Variants in TNFRSF11A observed in about 807,000 individuals in gnomAD.
TNFRSF11A encodes the protein tumor necrosis factor receptor superfamily member 11A.
Under a neutral mutation model 55.7 loss-of-function variants are expected in TNFRSF11A, and 32 were observed. The observed-to-expected ratio is 0.57, with a 90% confidence interval of 0.43 to 0.77. The LOEUF is 0.77. Among genes scored for constraint, TNFRSF11A ranks in the 30% least tolerant of loss-of-function variants. TNFRSF11A has a pLI of 0.00. For missense variants in TNFRSF11A, 753 were observed against 809.8 expected (o/e 0.93, Z 0.85); for synonymous variants, 311 against 331.0 (o/e 0.94, Z 0.65).
At chr18:62,351,119 C>A (rs990052587) in intron 3 of TNFRSF11A, among the ~76,000 whole-genome samples, 1 of 151,440 alleles carries the variant, frequency 6.6e-6, no homozygotes, top group South Asian at 2.1e-4. Flanking sequence ...TCTGCTGCCT[C>A]AGCCTCCCCA....
At position 62,337,017 on chromosome 18, in the gene TNFRSF11A, CA is replaced by C. The variant is rs538484359; in HGVS notation, c.76-11150del. Among the ~76,000 whole-genome samples the C allele has an allele frequency of 3.3e-3, 499 of 152,136 alleles. 2 individuals carry two copies. Among genetic ancestry groups the C allele is most frequent in the African/African-American group, 0.011 (463 of 41,486 alleles). On this transcript the variant is annotated intron_variant, in intron 1 of 9. Coordinates refer to ENST00000586569, the MANE Select transcript of TNFRSF11A (RefSeq NM_003839.4). ...GAAGCACATCTGGAATCAAGGTGGT[CA>C]GAGGGGGAAATGCTGATGGGCCCAA...
At chr18:62,340,269 A>G (rs2046293070) in intron 1 of TNFRSF11A, among the ~76,000 whole-genome samples, 1 of 151,886 alleles carries the variant, frequency 6.6e-6, no homozygotes. Context: ...CCCAGGCTGG[A>G]GTGCAGTGGT....
At chr18:62,343,262 T>C (rs1201078228) in intron 1 of TNFRSF11A, among the ~76,000 whole-genome samples, 2 of 152,230 alleles carry the variant, frequency 1.3e-5, no homozygotes, top group Non-Finnish European at 2.9e-5. Flanking sequence ...CCTCATTTGT[T>C]CTTCTAGGTT....
intron 8 of TNFRSF11A, 84 bp downstream of exon 8, chr18:62,366,844 C>CG (rs1223518341): frequency 5.4e-6 from 7 of 1,307,254 alleles, no homozygotes; most frequent in Non-Finnish European, 7.7e-6. Context: ...TATTGAGCAC[C>CG]CCCCCCCACC....
rs370984926 is a variant in TNFRSF11A, at chr18:62,368,813, T to C, written c.896T>C (p.Met299Thr). 117 of 1,614,236 alleles carry C rather than the reference T, an allele frequency of 7.2e-5. No homozygotes were observed. The highest frequency in any genetic ancestry group is 9.7e-5 in the Non-Finnish European group (114 of 1,180,048). ...TLEEKTFPED[M>T]CYPDQGGVCQ... ...GAGGAGAAGACATTTCCAGAAGATA[T>C]GTGCTACCCAGATCAAGGTGGTGTC... The change falls in exon 9 of 10, where the codon ATG becomes ACG. Residue 299 changes from methionine (M) to threonine (T), a missense_variant. Physicochemically the swap from Met to Thr is moderately conservative, Grantham distance 81. Coordinates refer to ENST00000586569, the MANE Select transcript of TNFRSF11A (RefSeq NM_003839.4).
Position 62,369,351 on chromosome 18 carries a change from T to C in TNFRSF11A, c.1434T>C (p.Leu478=). 2 of 1,609,704 alleles carry C rather than the reference T, an allele frequency of 1.2e-6. No homozygotes were observed. The highest frequency in any genetic ancestry group is 1.7e-6 in the Non-Finnish European group (2 of 1,178,442). Reference sequence around the variant, plus strand: ...CCCAGTGCGCCTATGGCATGGGCCTTCCCCCTGAAGAAGAAGCCAGCAGGA... The same window carrying C: ...CCCAGTGCGCCTATGGCATGGGCCTCCCCCCTGAAGAAGAAGCCAGCAGGA... ...PLPQCAYGMG[L]PPEEEASRTE... The change falls in exon 9 of 10, where the codon CTT becomes CTC. Residue 478 remains leucine, a synonymous_variant. Coordinates refer to ENST00000586569, the MANE Select transcript of TNFRSF11A (RefSeq NM_003839.4).
At chr18:62,362,629 A>G (rs1909781161) in intron 7 of TNFRSF11A, among the ~76,000 whole-genome samples, 1 of 152,034 alleles carries the variant, frequency 6.6e-6, no homozygotes, top group Admixed American at 6.6e-5. Flanking sequence ...CAAATTTGTT[A>G]GTGTCTTTAA....
intron 9 of TNFRSF11A, among the ~76,000 whole-genome samples, chr18:62,372,188 CA>C (rs898552872): frequency 4.6e-5 from 7 of 152,104 alleles, no homozygotes; most frequent in Non-Finnish European, 7.4e-5. Context: ...GAATGATTAG[CA>C]AAGATCAGTG....
chr18:62,350,041 A>G (rs2046443188), intron 3 of TNFRSF11A, 104 bp downstream of exon 3: 3 of 1,513,988 alleles, frequency 2.0e-6, no homozygotes, highest in South Asian at 1.2e-5. Flanking sequence ...CGTTTCAGGA[A>G]CATGAAAGGA....
At chr18:62,343,769 T>C (rs1018304181) in intron 1 of TNFRSF11A, among the ~76,000 whole-genome samples, 2 of 152,224 alleles carry the variant, frequency 1.3e-5, no homozygotes, top group Non-Finnish European at 2.9e-5. Flanking sequence ...TCTTGCTGTT[T>C]TAACTCCTTT....
intron 1 of TNFRSF11A, 110 bp from the exon 2 acceptor site, chr18:62,348,058 C>CAAAAAA (rs201661953): frequency 3.1e-6 from 2 of 639,210 alleles, no homozygotes; most frequent in Non-Finnish European, 2.7e-6. Flanking sequence ...AAACTCCATT[C>CAAAAAA]AAAAAAAAAA....
intron 9 of TNFRSF11A, among the ~76,000 whole-genome samples, chr18:62,381,263 G>C (rs60676865): frequency 0.012 from 1,755 of 152,306 alleles, 40 homozygotes; most frequent in East Asian, 0.089. Flanking sequence ...CAAAGATACT[G>C]TTTGCCATGG....
intron 4 of TNFRSF11A, among the ~76,000 whole-genome samples, chr18:62,356,944 G>C (rs1909304847): frequency 6.6e-6 from 1 of 152,194 alleles, no homozygotes; most frequent in Non-Finnish European, 1.5e-5. Flanking sequence ...TTGTATGCCT[G>C]TTAGCCCCCG....
At position 62,385,012 on chromosome 18, in the gene TNFRSF11A, A is replaced by T. The variant is rs1397024798; in HGVS notation, c.1829A>T (p.Glu610Val). 2 of 1,482,474 alleles carry T rather than the reference A, an allele frequency of 1.3e-6. No individual in the cohort carries two copies. The highest frequency in any genetic ancestry group is 1.8e-6 in the Non-Finnish European group (2 of 1,126,040). The allele number at this position is 1,482,474 out of a possible 1,614,324, so 91.8% of individuals were successfully genotyped here. ...EPEKASRPVQEQGGAKA is the reference protein window; with the variant it reads ...EPEKASRPVQVQGGAKA Reference sequence around the variant, plus strand: ...GAGAAGGCCTCGAGGCCGGTGCAGGAGCAAGGCGGGGCCAAGGCTTGAGCG... The same window carrying T: ...GAGAAGGCCTCGAGGCCGGTGCAGGTGCAAGGCGGGGCCAAGGCTTGAGCG... The change falls in exon 10 of 10, where the codon GAG (glutamate) becomes GTG (valine). Residue 610 changes from glutamate to valine, a missense_variant. Glu to Val is a moderately radical substitution (Grantham distance 121). Around this residue, in one of 3 missense-constraint regions of TNFRSF11A, gnomAD observed 567 missense variants for 596.7 expected, o/e 0.95. Coordinates refer to ENST00000586569, the MANE Select transcript of TNFRSF11A (RefSeq NM_003839.4).
intron 1 of TNFRSF11A, chr18:62,336,914 T>G (rs2046242488): frequency 1.3e-5 from 2 of 152,032 alleles, no homozygotes; most frequent in Non-Finnish European, 2.9e-5. Context: ...GTGAGGGGAG[T>G]AAGGCAGAGG....
intron 1 of TNFRSF11A, among the ~76,000 whole-genome samples, chr18:62,343,303 G>A (rs1285928106): frequency 1.3e-5 from 2 of 152,144 alleles, no homozygotes; most frequent in Non-Finnish European, 2.9e-5. Flanking sequence ...TGACAAGAGG[G>A]GCCAAGCCTC....
intron 1 of TNFRSF11A, among the ~76,000 whole-genome samples, chr18:62,343,706 T>A (rs769559570): frequency 1.3e-5 from 2 of 152,086 alleles, no homozygotes; most frequent in Non-Finnish European, 2.9e-5. Context: ...CTGAAACAAA[T>A]GCGTAGAAGA....
At chr18:62,348,630 T>C (rs2046419901) in intron 2 of TNFRSF11A, among the ~76,000 whole-genome samples, 2 of 152,236 alleles carry the variant, frequency 1.3e-5, no homozygotes, top group Admixed American at 1.3e-4. Context: ...TATTTTGGAA[T>C]AACCACACTG....
intron 6 of TNFRSF11A, among the ~76,000 whole-genome samples, chr18:62,360,508 G>A (rs1169097186): frequency 2.6e-5 from 4 of 151,514 alleles, no homozygotes; most frequent in South Asian, 2.1e-4. Flanking sequence ...GTGCAGTGGC[G>A]TGATATCAGC....
Sources: allele counts gnomAD v4.1 joint callset (sites outside exome capture counted in the v4.1 genomes callset), GRCh38; gene constraint gnomAD v4.1.1; regional missense constraint gnomAD v4.1.1; transcripts MANE v1.5; gene names NCBI Gene and HGNC (gene_info 2026-07-23, HGNC 2026-07-21).